The following ARHGAP6 variants were observed in gnomAD, a reference collection of about 807,000 sequenced individuals.
ARHGAP6 encodes the protein Rho GTPase activating protein 6, also known as rho GTPase-activating protein 6.
In ARHGAP6, 16 loss-of-function variants were observed where a neutral mutation model predicts 55.7. The observed-to-expected ratio is 0.29, with a 90% CI of 0.19 to 0.44. The LOEUF is 0.44. Among genes scored for constraint, ARHGAP6 ranks in the 20% least tolerant of loss-of-function variants. The pLI is 1.00. For synonymous variants in ARHGAP6, 382 were observed against 360.9 expected, an observed-to-expected ratio of 1.06 and a Z score of -0.66; for missense variants, 698 against 808.9, an observed-to-expected ratio of 0.86 and a Z score of 1.66.
intron 2 of ARHGAP6, among the ~76,000 whole-genome samples, chrX:11,203,680 C>T (rs1336496177): frequency 8.9e-6 from 1 of 111,894 alleles, no homozygotes; most frequent in Non-Finnish European, 1.9e-5. Flanking sequence ...CTAAAACTTT[C>T]ACAAGGTTCT....
intron 1 of ARHGAP6, among the ~76,000 whole-genome samples, chrX:11,520,826 G>T (rs2050915869): frequency 8.9e-6 from 1 of 111,760 alleles, no homozygotes; most frequent in Middle Eastern, 4.6e-3. Context: ...AGCACCTGTT[G>T]TTTCCTGACT....
chrX:11,549,854 T>C (rs181842152), intron 1 of ARHGAP6, among the ~76,000 whole-genome samples: 6 of 112,877 alleles, frequency 5.3e-5, no homozygotes, highest in African/African-American at 1.6e-4. Flanking sequence ...TTGAACTTTG[T>C]ATTTTACGAA....
chrX:11,319,687 A>C (rs1840351190), intron 1 of ARHGAP6, among the ~76,000 whole-genome samples: 1 of 112,686 alleles, frequency 8.9e-6, no homozygotes, highest in African/African-American at 3.2e-5. Context: ...TTTAATAATA[A>C]AATTATAAGA....
At chrX:11,451,317 C>G (rs1441318019) in intron 1 of ARHGAP6, among the ~76,000 whole-genome samples, 2 of 111,524 alleles carry the variant, frequency 1.8e-5, no homozygotes, top group African/African-American at 6.5e-5. Flanking sequence ...GGAACTAAAA[C>G]GCAGGAGAAC....
In ARHGAP6 at chrX:11,287,494, G is replaced by A. The variant is rs182074526; in HGVS notation, c.589-32787C>T. On this transcript the variant is annotated intron_variant, in intron 1 of 12. Transcript: ENST00000337414. ...TTGACACAAGTCTGAGCTTCCAGACGAACTTTCTTGTAGAAACCCTAGCAA... is the reference window on the plus strand; with the variant it reads ...TTGACACAAGTCTGAGCTTCCAGACAAACTTTCTTGTAGAAACCCTAGCAA... Among the ~76,000 whole-genome samples, 7 of 111,730 alleles carry A rather than the reference G, an allele frequency of 6.3e-5. No individual in the cohort carries two copies. In the Admixed American group the frequency reaches 6.6e-4, roughly 11 times the overall value.
intron 1 of ARHGAP6, among the ~76,000 whole-genome samples, chrX:11,552,600 A>ATATATATATAT (rs59361607): frequency 1.6e-5 from 1 of 62,588 alleles, no homozygotes; most frequent in African/African-American, 6.2e-5. Context: ...ATATATATAT[A>ATATATATATAT]GACACACACA....
intron 1 of ARHGAP6, among the ~76,000 whole-genome samples, chrX:11,426,513 C>A (rs750568678): frequency 4.9e-4 from 55 of 111,132 alleles, no homozygotes; most frequent in Middle Eastern, 9.3e-3. Flanking sequence ...CGTCCAGTCT[C>A]AACAGTGCAA....
intron 1 of ARHGAP6, among the ~76,000 whole-genome samples, chrX:11,270,535 C>T (rs2047679844): frequency 8.9e-6 from 1 of 112,073 alleles, no homozygotes; most frequent in South Asian, 3.7e-4. Flanking sequence ...TGTTAGAAAA[C>T]CTCCTGGATG....
rs771240616 is a variant in ARHGAP6, at chrX:11,186,258, G to A, written c.1251C>T (p.Cys417=). The part of the protein sequence containing the change: ...YRQVPRLVDS[C]CQHLEKHGLQ... ...TACCATGTTTTTCTAGGTGCTGACA[G>A]CAGCTGTCCACCAGCCTAGGGACCT... is the stretch of plus-strand genomic sequence containing the variant. Residue 417 remains cysteine (C), a synonymous_variant, in exon 5 of 13, where the codon TGC becomes TGT. Coordinates refer to ENST00000337414, the MANE Select transcript of ARHGAP6 (RefSeq NM_013427.3). 8.3e-7 allele frequency: 1 copy of A among 1,210,259 alleles called. No individual in the cohort carries two copies.
At chrX:11,416,420 T>G (rs1979307767) in intron 1 of ARHGAP6, among the ~76,000 whole-genome samples, 1 of 111,482 alleles carries the variant, frequency 9.0e-6, no homozygotes, top group African/African-American at 3.3e-5. Context: ...TCTAGTAAGT[T>G]TGCCTATGTT....
At chrX:11,424,155 C>T (rs955874415) in intron 1 of ARHGAP6, among the ~76,000 whole-genome samples, 3 of 112,031 alleles carry the variant, frequency 2.7e-5, no homozygotes, top group African/African-American at 9.8e-5. Flanking sequence ...GTTCGACTAT[C>T]CTCATTGTCT....
chrX:11,183,068 G>A (rs1012114562), intron 5 of ARHGAP6, among the ~76,000 whole-genome samples: 9 of 111,243 alleles, frequency 8.1e-5, no homozygotes, highest in Non-Finnish European at 1.7e-4. Flanking sequence ...ACTCATGCTA[G>A]TAACAATTCC....
chrX:11,602,740 G>C (rs1377707399), intron 1 of ARHGAP6, among the ~76,000 whole-genome samples: 1 of 112,603 alleles, frequency 8.9e-6, no homozygotes, highest in Non-Finnish European at 1.9e-5. Flanking sequence ...CAACCTCTGG[G>C]TGTGCTTATC....
intron 1 of ARHGAP6, among the ~76,000 whole-genome samples, chrX:11,307,094 C>G (rs923340642): frequency 9.0e-6 from 1 of 110,710 alleles, no homozygotes; most frequent in African/African-American, 3.3e-5. Context: ...GTCCAGTGCT[C>G]GTAGAAACCA....
chrX:11,547,236 T>C (rs1358552657), intron 1 of ARHGAP6, among the ~76,000 whole-genome samples: 1 of 112,288 alleles, frequency 8.9e-6, no homozygotes, highest in Non-Finnish European at 1.9e-5. Context: ...TCATCTTCCA[T>C]GACAGCAGAA....
chrX:11,524,272 G>A (rs181928668), intron 1 of ARHGAP6, among the ~76,000 whole-genome samples: 107 of 111,631 alleles, frequency 9.6e-4, no homozygotes, highest in Non-Finnish European at 1.5e-3. Flanking sequence ...ATGAGAGGAA[G>A]ACGTGTGTGT....
chrX:11,145,693 T>C (rs747005143), intron 10 of ARHGAP6, among the ~76,000 whole-genome samples: 1 of 112,491 alleles, frequency 8.9e-6, no homozygotes, highest in South Asian at 3.7e-4. Flanking sequence ...CAGGACTGGC[T>C]ACACCATTTG....
chrX:11,465,507 T>C (rs1422385984), intron 1 of ARHGAP6, among the ~76,000 whole-genome samples: 2 of 112,396 alleles, frequency 1.8e-5, no homozygotes, highest in East Asian at 2.8e-4. Flanking sequence ...TCCCAAATCG[T>C]ATTTCAACAT....
intron 1 of ARHGAP6, among the ~76,000 whole-genome samples, chrX:11,570,108 T>C (rs2051495038): frequency 8.9e-6 from 1 of 111,976 alleles, no homozygotes; most frequent in South Asian, 3.7e-4. Flanking sequence ...AGGATGACTT[T>C]GAAAGTGACA....
Sources: allele counts gnomAD v4.1 joint callset (sites outside exome capture counted in the v4.1 genomes callset), GRCh38; gene constraint gnomAD v4.1.1; transcripts MANE v1.5; gene names NCBI Gene and HGNC (gene_info 2026-07-23, HGNC 2026-07-21).